The following ZNHIT6 variants were observed in gnomAD, a reference collection of about 807,000 sequenced individuals.
ZNHIT6 encodes box C/D snoRNA protein 1.
ZNHIT6 carries 45 observed loss-of-function variants against 57.2 expected under a neutral mutation model. The ratio of observed to expected loss-of-function variants is 0.79; its 90% CI spans 0.62 to 1.01. The LOEUF (loss-of-function observed/expected upper bound fraction) is 1.01. ZNHIT6 is among the 50% of genes least tolerant of loss of function. The pLI is 0.00. For synonymous variants in ZNHIT6, 188 were observed against 190.0 expected, an observed-to-expected ratio of 0.99 and a Z score of 0.09; for missense variants, 528 against 567.3, an observed-to-expected ratio of 0.93 and a Z score of 0.70.
intron 8 of ZNHIT6, among the ~76,000 whole-genome samples, chr1:85,672,344 C>A (rs1447292654): frequency 1.3e-5 from 2 of 152,040 alleles, no homozygotes. Flanking sequence ...ATCCAGACAG[C>A]GTTAGTATTG....
rs533147504 is a variant in ZNHIT6 at position 85,652,839 on chromosome 1, T to C, written c.*1219A>G. 3.3e-5 allele frequency: 5 copies of C among 152,350 alleles called. No homozygotes were observed. The highest frequency in any genetic ancestry group is 1.2e-4 in the African/African-American group (5 of 41,590). The allele number at this position is 152,350 out of a possible 1,614,324, so 9.4% of individuals were successfully genotyped here. On this transcript the variant is annotated 3_prime_UTR_variant, in exon 10 of 10. Transcript: ENST00000370574. ...TAACAATCTTTTTACTCTCTTACAG[T>C]CATATTGCAGTTTCACAGTGGTATA...
chr1:85,670,441 A>G (rs926976727), intron 8 of ZNHIT6, among the ~76,000 whole-genome samples: 1 of 152,170 alleles, frequency 6.6e-6, no homozygotes, highest in Non-Finnish European at 1.5e-5. Context: ...ATACATATAT[A>G]TACACACATA....
At chr1:85,654,125 T>G in intron 9 of ZNHIT6, 27 bp from the exon 10 acceptor site, 1 of 1,599,912 alleles carries the variant, frequency 6.3e-7, no homozygotes. Context: ...AAACATACAG[T>G]CAAGTGTTTA....
intron 6 of ZNHIT6, among the ~76,000 whole-genome samples, chr1:85,679,375 C>G (rs1661796616): frequency 6.6e-6 from 1 of 152,056 alleles, no homozygotes; most frequent in Non-Finnish European, 1.5e-5. Flanking sequence ...CTACATACCC[C>G]TAGATGTAAA....
intron 8 of ZNHIT6, among the ~76,000 whole-genome samples, chr1:85,660,484 C>A (rs371134989): frequency 6.6e-6 from 1 of 152,040 alleles, no homozygotes; most frequent in African/African-American, 2.4e-5. Context: ...AAAGCTGAAA[C>A]CAAGAAGCAA....
At position 85,653,947 on chromosome 1, in the gene ZNHIT6, G is replaced by GA. The variant is rs1015791553; in HGVS notation, c.*110dup. 4 of 788,414 alleles carry GA rather than the reference G, an allele frequency of 5.1e-6. No individual in the cohort carries two copies. The highest frequency in any genetic ancestry group is 8.3e-6 in the Non-Finnish European group (4 of 484,280). The allele number at this position is 788,414 out of a possible 1,614,324, so 48.8% of individuals were successfully genotyped here. ...GAGTTAAGCTTATTTTTCATACAAAGAAAAAATTCCAATCACCCATTGACA... is the reference window on the plus strand; with the variant it reads ...GAGTTAAGCTTATTTTTCATACAAAGAAAAAAATTCCAATCACCCATTGACA... On this transcript the variant is annotated 3_prime_UTR_variant, in exon 10 of 10. Coordinates refer to ENST00000370574, the MANE Select transcript of ZNHIT6 (RefSeq NM_017953.4).
chr1:85,706,372 G>C lies in ZNHIT6; in HGVS notation c.723-17C>G. 1 of 1,613,510 alleles carries C rather than the reference G, an allele frequency of 6.2e-7. No homozygotes were observed. ...CAGGGCAAACTGAAAAGACAAAGGGGAAGTACTTTTATATTTTAGGGTAAG... is the reference window on the plus strand; with the variant it reads ...CAGGGCAAACTGAAAAGACAAAGGGCAAGTACTTTTATATTTTAGGGTAAG... On this transcript the variant is annotated splice_polypyrimidine_tract_variant and intron_variant, in intron 2 of 9. Coordinates refer to ENST00000370574, the MANE Select transcript of ZNHIT6 (RefSeq NM_017953.4).
At chr1:85,695,952 T>C (rs1192370577) in intron 5 of ZNHIT6, among the ~76,000 whole-genome samples, 2 of 152,072 alleles carry the variant, frequency 1.3e-5, no homozygotes, top group Non-Finnish European at 2.9e-5. Context: ...AGGAGAATGG[T>C]GTGAACCCGG....
intron 8 of ZNHIT6, among the ~76,000 whole-genome samples, chr1:85,672,863 T>A (rs1661599224): frequency 1.3e-5 from 2 of 151,214 alleles, no homozygotes; most frequent in South Asian, 4.2e-4. Flanking sequence ...AAACAAAATG[T>A]ATCTAAATTT....
chr1:85,707,819 T>G lies in ZNHIT6; in HGVS notation c.466A>C (p.Lys156Gln). The change falls in exon 1 of 10, where the codon AAG (lysine) becomes CAG (glutamine). Residue 156 changes from lysine to glutamine, a missense_variant. Coordinates refer to ENST00000370574, the MANE Select transcript of ZNHIT6 (RefSeq NM_017953.4). ...VMDWSEVKEE[K>Q]DNLEIKQEEK... ...TCCTGTTTTATCTCCAAGTTATCCT[T>G]CTCTTCCTTCACTTCTGACCAGTCC... The G allele has an allele frequency of 6.2e-7, 1 of 1,614,108 alleles. No homozygotes were observed. The highest frequency in any genetic ancestry group is 1.1e-5 in the South Asian group (1 of 91,076).
At position 85,680,905 on chromosome 1, in the gene ZNHIT6, C is replaced by A. The variant is rs764767622; in HGVS notation, c.1020-1G>T. 6.2e-7 allele frequency: 1 copy of A among 1,609,220 alleles called. No homozygotes were observed. Among genetic ancestry groups the A allele is most frequent in the South Asian group, 1.1e-5 (1 of 90,036 alleles). On this transcript the variant is annotated splice_acceptor_variant, in intron 5 of 9. Coordinates refer to ENST00000370574, the MANE Select transcript of ZNHIT6 (RefSeq NM_017953.4). LOFTEE classifies it high-confidence loss of function. ...CACATGCCAACAAAACTGTTGTTTT[C>A]TAAGAGAGAAAATAATCATGTGAGA...
At position 85,653,983 on chromosome 1, in the gene ZNHIT6, C is replaced by A; in HGVS notation, c.*75G>T. On this transcript the variant is annotated 3_prime_UTR_variant, in exon 10 of 10. Transcript: ENST00000370574. ...AATCACCCATTGACAATACCCCAAT[C>A]AGCCAACAGCCCATCAATGCAGAGT... is the stretch of plus-strand genomic sequence containing the variant. 7.9e-7 allele frequency: 1 copy of A among 1,258,678 alleles called. No individual in the cohort carries two copies. The highest frequency in any genetic ancestry group is 1.1e-6 in the Non-Finnish European group (1 of 880,458). 78.0% of individuals were successfully genotyped at this position (1,258,678 alleles called of 1,614,324 possible).
rs561794577 is a variant in ZNHIT6 at position 85,658,474 on chromosome 1, C to A, written c.1248-503G>T. 1.9e-3 allele frequency among the ~76,000 whole-genome samples: 282 copies of A among 152,138 alleles called. 1 individual carries two copies. The highest frequency in any genetic ancestry group is 6.6e-3 in the African/African-American group (275 of 41,438). The stretch of plus-strand genomic sequence containing the variant: ...CTCGATCTCCTGACCTCGTAATCTG[C>A]CTGCCTTGGCCTCCCAAAGTGCTGG... On this transcript the variant is annotated intron_variant, in intron 8 of 9. Transcript: ENST00000370574.
intron 5 of ZNHIT6, among the ~76,000 whole-genome samples, chr1:85,693,617 C>T (rs1662278924): frequency 6.6e-6 from 1 of 152,036 alleles, no homozygotes. Flanking sequence ...AAAGAAATAG[C>T]ACTGCAACAC....
rs149709733 is a variant in ZNHIT6, at chr1:85,702,256, T to C, written c.920A>G (p.Tyr307Cys). 1.3e-4 allele frequency: 207 copies of C among 1,581,188 alleles called. No homozygotes were observed. The highest frequency in any genetic ancestry group is 1.7e-4 in the Non-Finnish European group (198 of 1,162,632). The change falls in exon 5 of 10, where the codon TAC (tyrosine) becomes TGC (cysteine). Residue 307 changes from tyrosine (Y) to cysteine (C), a missense_variant. Physicochemically the swap from Tyr to Cys is radical, Grantham distance 194 (BLOSUM62 -2). Coordinates refer to ENST00000370574, the MANE Select transcript of ZNHIT6 (RefSeq NM_017953.4). ...LKRPISNKYM[Y>C]FMKNRARRQG... is the part of the protein sequence containing the mutation. ...CCTCCGGGCACGATTTTTCATAAAG[T>C]ACATCTAACAACAAAAACCAAACAG...
intron 5 of ZNHIT6, among the ~76,000 whole-genome samples, chr1:85,696,435 A>G (rs1243511630): frequency 6.6e-6 from 1 of 152,048 alleles, no homozygotes; most frequent in African/African-American, 2.4e-5. Context: ...TTTTTGCTTA[A>G]TGGCTGCATG....
chr1:85,655,978 A>G (rs1470178329), intron 9 of ZNHIT6, among the ~76,000 whole-genome samples: 2 of 152,204 alleles, frequency 1.3e-5, no homozygotes, highest in Non-Finnish European at 2.9e-5. Flanking sequence ...ATTAGGAAAG[A>G]GACAACTTGT....
At chr1:85,657,408 T>C (rs1472225078) in intron 9 of ZNHIT6, among the ~76,000 whole-genome samples, 1 of 141,236 alleles carries the variant, frequency 7.1e-6, no homozygotes, top group Non-Finnish European at 1.5e-5. Flanking sequence ...TAAGGTAGGA[T>C]ACTAGGCTTT....
rs1394453372 is a variant in ZNHIT6, at chr1:85,667,961, A to ATATAT, written c.1247+9274_1247+9275insATATA. ...ACTCTCTCTTTCAAAAAAAAAAAAA[A>ATATAT]ATATATATATATATATATATATATG... On this transcript the variant is annotated intron_variant, in intron 8 of 9. Coordinates refer to ENST00000370574, the MANE Select transcript of ZNHIT6 (RefSeq NM_017953.4). Among the ~76,000 whole-genome samples the ATATAT allele has an allele frequency of 9.9e-4, 18 of 18,202 alleles. 1 individual carries two copies. Among genetic ancestry groups the ATATAT allele is most frequent in the African/African-American group, 3.6e-3 (17 of 4,712 alleles). The allele number at this position is 18,202 out of a possible 152,430, so 11.9% of individuals were successfully genotyped here.
Sources: gnomAD v4.1 joint callset for allele counts (sites outside exome capture counted in the v4.1 genomes callset) on GRCh38, gnomAD v4.1.1 for gene constraint, MANE v1.5 for transcripts, NCBI Gene and HGNC (gene_info 2026-07-23, HGNC 2026-07-21) for gene names.